Variants in CFAP206 observed in about 807,000 individuals in gnomAD.
CFAP206 encodes cilia and flagella associated protein 206.
A neutral mutation model predicts 65.4 loss-of-function variants in CFAP206; 53 were observed. That is an observed-to-expected ratio of 0.81 (90% CI 0.65 to 1.02). The LOEUF (loss-of-function observed/expected upper bound fraction) is 1.02. CFAP206 is among the 50% of genes least tolerant of loss of function. The probability of loss-of-function intolerance (pLI) is 0.00; values close to 1 mark genes in which losing one functional copy is unlikely to be tolerated. For missense variants in CFAP206, 663 were observed against 753.2 expected, an observed-to-expected ratio of 0.88 and a Z score of 1.40; for synonymous variants, 250 against 254.4, an observed-to-expected ratio of 0.98 and a Z score of 0.17.
chr6:87,460,570 A>G (rs962541397), intron 11 of CFAP206, among the ~76,000 whole-genome samples: 9 of 152,196 alleles, frequency 5.9e-5, no homozygotes, highest in Non-Finnish European at 1.2e-4. Context: ...AGTGGGAGCT[A>G]AAAATTGGGT....
At chr6:87,437,401 G>A (rs531720691) in intron 11 of CFAP206, among the ~76,000 whole-genome samples, 16 of 151,368 alleles carry the variant, frequency 1.1e-4, no homozygotes, top group Non-Finnish European at 2.2e-4. Flanking sequence ...TGCTGTTTCT[G>A]TTTTTAAGTT....
chr6:87,433,420 A>T (rs1356045769), intron 10 of CFAP206, among the ~76,000 whole-genome samples: 1 of 152,222 alleles, frequency 6.6e-6, no homozygotes, highest in African/African-American at 2.4e-5. Flanking sequence ...TACAACTTCC[A>T]CAAACTATGT....
Position 87,413,823 on chromosome 6 carries a change from G to A in CFAP206, c.206G>A (p.Arg69Gln), listed in dbSNP as rs965639371. The change falls in exon 4 of 13, where the codon CGG becomes CAG. Residue 69 changes from arginine (R) to glutamine (Q), a missense_variant. Transcript: ENST00000369562. ...ATTCTTTTCTAGCTTTGTATGACTC[G>A]GCTATTGGATACTAAAAATCCATCC... Reference protein sequence around the residue: ...VQNLVKLCMTRLLDTKNPSLD... With the variant: ...VQNLVKLCMTQLLDTKNPSLD... 1.4e-5 allele frequency: 22 copies of A among 1,562,266 alleles called. No individual in the cohort carries two copies. The highest frequency in any genetic ancestry group is 1.7e-4 in the Middle Eastern group (1 of 5,934).
At chr6:87,413,767 CA>C in intron 3 of CFAP206, 42 bp from the exon 4 acceptor site, 2 of 1,209,696 alleles carry the variant, frequency 1.7e-6, no homozygotes, top group Non-Finnish European at 2.4e-6. Context: ...TTGACTGTCT[CA>C]AAAACTATAA....
At chr6:87,452,639 T>C (rs1445619574) in intron 11 of CFAP206, among the ~76,000 whole-genome samples, 6 of 151,872 alleles carry the variant, frequency 4.0e-5, no homozygotes, top group Non-Finnish European at 7.4e-5. Flanking sequence ...AACAAAGAGA[T>C]TGAAATAATT....
At chr6:87,426,851 G>GGAACA (rs770957839) in intron 8 of CFAP206, among the ~76,000 whole-genome samples, 3 of 152,166 alleles carry the variant, frequency 2.0e-5, no homozygotes, top group Non-Finnish European at 2.9e-5. Flanking sequence ...TGCTACTAAA[G>GGAACA]GAACTGCAAC....
chr6:87,424,780 A>G (rs1768007328), intron 7 of CFAP206, among the ~76,000 whole-genome samples: 1 of 152,206 alleles, frequency 6.6e-6, no homozygotes, highest in Non-Finnish European at 1.5e-5. Context: ...GTTGATTTAT[A>G]ATGTTTGTGT....
chr6:87,442,481 C>T (rs1317023537), intron 11 of CFAP206, among the ~76,000 whole-genome samples: 1 of 152,076 alleles, frequency 6.6e-6, no homozygotes, highest in Non-Finnish European at 1.5e-5. Context: ...TCATTATACT[C>T]TTTACTTTTA....
At chr6:87,437,031 C>T (rs1217215574) in intron 11 of CFAP206, among the ~76,000 whole-genome samples, 2 of 151,910 alleles carry the variant, frequency 1.3e-5, no homozygotes, top group African/African-American at 4.8e-5. Flanking sequence ...AGTGCAGTGG[C>T]GTGATATCAG....
At chr6:87,432,798 T>A (rs1367208847) in intron 10 of CFAP206, among the ~76,000 whole-genome samples, 1 of 152,222 alleles carries the variant, frequency 6.6e-6, no homozygotes, top group Non-Finnish European at 1.5e-5. Flanking sequence ...GAGTTTCATA[T>A]TCCTCTCTGG....
intron 3 of CFAP206, 96 bp from the exon 4 acceptor site, chr6:87,413,714 C>T (rs1369329018): frequency 1.4e-6 from 1 of 729,480 alleles, no homozygotes; most frequent in South Asian, 1.9e-5. Context: ...TATCAGGAAC[C>T]ACTGCTTTTC....
intron 7 of CFAP206, among the ~76,000 whole-genome samples, chr6:87,421,361 C>T (rs1385494164): frequency 2.0e-5 from 3 of 152,120 alleles, no homozygotes; most frequent in African/African-American, 7.2e-5. Flanking sequence ...TGGTGGGTGC[C>T]TGTAATCCCA....
rs189743269 is a variant in CFAP206 at position 87,419,116 on chromosome 6, C to T, written c.840+700C>T. ...AGACCCTGACCCTGACTCAAAAAAA[C>T]GTTTGTTTTTTTTTTTGTTTTTTTT... On this transcript the variant is annotated intron_variant, in intron 7 of 12. Coordinates refer to ENST00000369562, the MANE Select transcript of CFAP206 (RefSeq NM_001031743.3). 1.1e-4 allele frequency among the ~76,000 whole-genome samples: 16 copies of T among 149,310 alleles called. No homozygotes were observed. The East Asian group carries it at 2.3e-3, about 22-fold the overall frequency.
At chr6:87,409,985 G>A (rs1451023401) in intron 2 of CFAP206, 38 bp downstream of exon 2, 3 of 1,432,090 alleles carry the variant, frequency 2.1e-6, no homozygotes, top group African/African-American at 2.8e-5. Flanking sequence ...GTTTTATTAA[G>A]AGGTTTTTTA....
rs118177155 is a variant in CFAP206 at position 87,452,698 on chromosome 6, A to G, written c.1495-8324A>G. The stretch of plus-strand genomic sequence containing the variant: ...AAAAATCTGACAAATCAAAGAATGT[A>G]TCAAAGTCTCTCAATAAATACTTGA... On this transcript the variant is annotated intron_variant, in intron 11 of 12. Coordinates refer to ENST00000369562, the MANE Select transcript of CFAP206 (RefSeq NM_001031743.3). Among the ~76,000 whole-genome samples, 606 of 152,230 alleles carry G rather than the reference A, an allele frequency of 4.0e-3. 20 individuals are homozygous for G. The highest frequency in any genetic ancestry group is 0.031 in the East Asian group (159 of 5,160).
At chr6:87,455,248 A>G (rs1480581716) in intron 11 of CFAP206, among the ~76,000 whole-genome samples, 2 of 152,200 alleles carry the variant, frequency 1.3e-5, no homozygotes, top group Admixed American at 6.5e-5. Context: ...ATATAAACAC[A>G]TGGAAATTAA....
intron 10 of CFAP206, among the ~76,000 whole-genome samples, chr6:87,433,240 A>G (rs1270779599): frequency 1.3e-5 from 2 of 151,992 alleles, no homozygotes; most frequent in Non-Finnish European, 2.9e-5. Context: ...AACCTGCTTT[A>G]TTATTTTTTT....
intron 6 of CFAP206, 133 bp downstream of exon 6, chr6:87,416,960 G>A: frequency 1.3e-6 from 1 of 751,604 alleles, no homozygotes; most frequent in Non-Finnish European, 2.1e-6. Flanking sequence ...GTTTCCTTAA[G>A]AATAACTACT....
chr6:87,421,172 A>C (rs887117059), intron 7 of CFAP206, among the ~76,000 whole-genome samples: 1 of 152,226 alleles, frequency 6.6e-6, no homozygotes, highest in Non-Finnish European at 1.5e-5. Context: ...TCAAAGTTTC[A>C]GTTTATGTGA....
Sources: allele counts gnomAD v4.1 joint callset (sites outside exome capture counted in the v4.1 genomes callset), GRCh38; gene constraint gnomAD v4.1.1; transcripts MANE v1.5; gene names NCBI Gene and HGNC (gene_info 2026-07-23, HGNC 2026-07-21).